The following ZNF710 variants were observed in gnomAD, a reference collection of about 807,000 sequenced individuals.
ZNF710 encodes zinc finger protein 710.
Under a neutral mutation model 50.6 loss-of-function variants are expected in ZNF710, and 13 were observed. That is an observed-to-expected ratio of 0.26 (90% CI 0.17 to 0.41). ZNF710 has a LOEUF of 0.41. ZNF710 is among the 10% of genes least tolerant of loss of function. The pLI, the probability that ZNF710 is intolerant of heterozygous loss-of-function variation, is 1.00. For synonymous variants in ZNF710, 383 were observed against 397.0 expected, an observed-to-expected ratio of 0.96 and a Z score of 0.42; for missense variants, 721 against 936.6, an observed-to-expected ratio of 0.77 and a Z score of 3.01.
At chr15:90,009,157 C>T (rs1397403852) in intron 1 of ZNF710, among the ~76,000 whole-genome samples, 9 of 151,894 alleles carry the variant, frequency 5.9e-5, no homozygotes, top group Admixed American at 1.3e-4. Flanking sequence ...ATCCCGTTCT[C>T]GGTGGGACTG....
In ZNF710 at chr15:90,075,260, C is replaced by T. The variant is rs2151539452; in HGVS notation, c.1825+970C>T. The T allele has an allele frequency of 1.3e-5, 2 of 152,484 alleles. 1 individual carries two copies. The highest frequency in any genetic ancestry group is 4.1e-4 in the South Asian group (2 of 4,828). 9.4% of individuals were successfully genotyped at this position (152,484 alleles called of 1,614,324 possible). On this transcript the variant is annotated intron_variant, in intron 4 of 4. Transcript: ENST00000268154. ...CTCTGGCTGGGCATGATGGCTCACA[C>T]CTATAATCCTGGCACTTTGGGAGGC...
At chr15:90,003,390 GAGA>G (rs1166111866) in intron 1 of ZNF710, among the ~76,000 whole-genome samples, 4 of 152,214 alleles carry the variant, frequency 2.6e-5, no homozygotes, top group African/African-American at 9.7e-5. Context: ...CAGGTGTGCG[GAGA>G]AGGACTTTGT....
intron 1 of ZNF710, among the ~76,000 whole-genome samples, chr15:90,041,892 A>ATTTTT (rs71151548): frequency 3.6e-5 from 4 of 110,564 alleles, no homozygotes; most frequent in Non-Finnish European, 5.6e-5. Flanking sequence ...TTTGTTTTTG[A>ATTTTT]TTTTTTTTTT....
intron 1 of ZNF710, among the ~76,000 whole-genome samples, chr15:90,024,249 A>G (rs1439160604): frequency 3.9e-5 from 6 of 152,102 alleles, no homozygotes; most frequent in Non-Finnish European, 7.4e-5. Context: ...CCCATGCCTT[A>G]TTTCATTGGC....
rs567134793 is a variant in ZNF710 at position 90,067,312 on chromosome 15, C to T, written c.175C>T (p.Pro59Ser). Residue 59 changes from proline to serine, a missense_variant, in exon 2 of 5, where the codon CCC (proline) becomes TCC (serine). Pro to Ser is a moderately conservative substitution (Grantham distance 74). Coordinates refer to ENST00000268154, the MANE Select transcript of ZNF710 (RefSeq NM_198526.4). This position sits in a 1 kb window ranked among gnomAD's most constrained non-coding sequence, Gnocchi z 8.1. The stretch of plus-strand genomic sequence containing the variant: ...GCTTTCAGGGGCAGCCATGGGAGAG[C>T]CCGAGCCACCAGGCCCCGACGTCTA... Reference protein sequence around the residue: ...PELSGAAMGEPEPPGPDVYQL... With the variant: ...PELSGAAMGESEPPGPDVYQL... The T allele has an allele frequency of 1.4e-4, 224 of 1,608,776 alleles. 5 individuals carry two copies. In the South Asian group the frequency reaches 2.4e-3, roughly 17 times the overall value.
intron 1 of ZNF710, among the ~76,000 whole-genome samples, chr15:90,013,630 G>A (rs1898373480): frequency 6.6e-6 from 1 of 152,106 alleles, no homozygotes; most frequent in African/African-American, 2.4e-5. Flanking sequence ...CAGATTCTCA[G>A]AGGAACCTTT....
intron 1 of ZNF710, among the ~76,000 whole-genome samples, chr15:90,023,052 A>G (rs1439295041): frequency 1.3e-5 from 2 of 152,232 alleles, no homozygotes; most frequent in African/African-American, 4.8e-5. Flanking sequence ...CTTTGAATTC[A>G]GTGACCCACT....
chr15:90,007,486 G>C lies in ZNF710; in HGVS notation c.-29+5872G>C, dbSNP rs572651715. Among the ~76,000 whole-genome samples the C allele has an allele frequency of 3.9e-5, 6 of 152,170 alleles. No individual in the cohort carries two copies. The East Asian group carries it at 1.2e-3, about 29-fold the overall frequency. ...ACATGTGTGCACTTTTCTGGGAAGA[G>C]GAGCCGTAGCTTTCACTGGCCTCAA... On this transcript the variant is annotated intron_variant, in intron 1 of 4. Coordinates refer to ENST00000268154, the MANE Select transcript of ZNF710 (RefSeq NM_198526.4).
Position 90,063,006 on chromosome 15 carries a change from A to G in ZNF710, c.-28-4104A>G, listed in dbSNP as rs1900058350. Among the ~76,000 whole-genome samples, 4 of 152,240 alleles carry G rather than the reference A, an allele frequency of 2.6e-5. No individual in the cohort carries two copies. The South Asian group carries it at 8.3e-4, about 32-fold the overall frequency. Reference sequence around the variant, plus strand: ...AAAGAAAGCGTGGGGCCAACTGCCCAGGTGGGCAGTGGCTCAATGAAGACT... The same window carrying G: ...AAAGAAAGCGTGGGGCCAACTGCCCGGGTGGGCAGTGGCTCAATGAAGACT... On this transcript the variant is annotated intron_variant, in intron 1 of 4. Transcript: ENST00000268154.
At chr15:90,074,921 A>G (rs1462591224) in intron 4 of ZNF710, 2 of 229,572 alleles carry the variant, frequency 8.7e-6, no homozygotes, top group Admixed American at 5.3e-5. Context: ...TGCCTGCCAG[A>G]GACTATAACC....
chr15:90,019,187 C>CTTTTTT (rs11285838), intron 1 of ZNF710, among the ~76,000 whole-genome samples: 167 of 89,358 alleles, frequency 1.9e-3, no homozygotes, highest in Middle Eastern at 0.011. Flanking sequence ...CTTTTTCTTT[C>CTTTTTT]TTTTTTTTTT....
At chr15:90,037,076 G>T (rs540268414) in intron 1 of ZNF710, among the ~76,000 whole-genome samples, 47 of 152,142 alleles carry the variant, frequency 3.1e-4, no homozygotes, top group Non-Finnish European at 5.9e-4. Flanking sequence ...GTGGGGCTGG[G>T]TTCAAAGCCT....
intron 1 of ZNF710, among the ~76,000 whole-genome samples, chr15:90,060,504 T>C (rs893061685): frequency 2.7e-5 from 4 of 149,094 alleles, no homozygotes. Context: ...CAGTGAGCTA[T>C]GATGGCACCA....
rs551179479 is a variant in ZNF710, at chr15:90,049,395, C to A, written c.-28-17715C>A. On this transcript the variant is annotated intron_variant, in intron 1 of 4. Transcript: ENST00000268154. ...GGCCTCAACCCCACAGTCAGTCGCA[C>A]CGCAGGCAGAGGGGACGGAAACCCT... Among the ~76,000 whole-genome samples the A allele has an allele frequency of 2.6e-5, 4 of 152,326 alleles. No homozygotes were observed. In the South Asian group the frequency reaches 8.3e-4, roughly 32 times the overall value.
Position 90,080,170 on chromosome 15 carries a change from G to A in ZNF710, c.*341G>A, listed in dbSNP as rs983605616. 1.4e-5 allele frequency: 3 copies of A among 213,966 alleles called. No homozygotes were observed. Among genetic ancestry groups the A allele is most frequent in the Non-Finnish European group, 2.7e-5 (3 of 109,726 alleles). 13.3% of individuals were successfully genotyped at this position (213,966 alleles called of 1,614,324 possible). On this transcript the variant is annotated 3_prime_UTR_variant, in exon 5 of 5. Transcript: ENST00000268154. ...GCACCGGCCCTCGGGGTCTCTCCAG[G>A]CCCAGCAGAGCTCTTCAGGGGTCCT...
rs571286761 is a variant in ZNF710 at position 90,060,035 on chromosome 15, C to G, written c.-28-7075C>G. On this transcript the variant is annotated intron_variant, in intron 1 of 4. Transcript: ENST00000268154. ...GACCCAGGGTCAGGAGCCCCCTCCCCGCTCTTGCTCTGTTGGGTCCTGAAC... is the reference window on the plus strand; with the variant it reads ...GACCCAGGGTCAGGAGCCCCCTCCCGGCTCTTGCTCTGTTGGGTCCTGAAC... Among the ~76,000 whole-genome samples, 86 of 152,282 alleles carry G rather than the reference C, an allele frequency of 5.6e-4. 1 individual carries two copies. The East Asian group carries it at 0.014, about 25-fold the overall frequency.
At chr15:90,057,744 C>T (rs552662461) in intron 1 of ZNF710, among the ~76,000 whole-genome samples, 1 of 142,610 alleles carries the variant, frequency 7.0e-6, no homozygotes, top group Admixed American at 6.9e-5. Context: ...ATCAGAATCA[C>T]TTAAGAAGCC....
chr15:90,069,055 C>T (rs112381909), intron 2 of ZNF710, among the ~76,000 whole-genome samples: 14,425 of 152,102 alleles, frequency 0.095, 812 homozygotes, highest in South Asian at 0.12. Context: ...TGGTGAAACC[C>T]TGTCTCTACT....
At chr15:90,018,170 C>CTTTTTTTT (rs5814406) in intron 1 of ZNF710, among the ~76,000 whole-genome samples, 1 of 128,394 alleles carries the variant, frequency 7.8e-6, no homozygotes, top group African/African-American at 2.8e-5. Context: ...TTTCTTTTTT[C>CTTTTTTTT]TTTTTTTTTT....
Sources: allele counts gnomAD v4.1 joint callset (sites outside exome capture counted in the v4.1 genomes callset), GRCh38; gene constraint gnomAD v4.1.1; non-coding constraint Gnocchi (gnomAD v3.1); transcripts MANE v1.5; gene names NCBI Gene and HGNC (gene_info 2026-07-23, HGNC 2026-07-21).